Variants in PALLD observed in about 807,000 individuals in gnomAD.
PALLD encodes palladin.
Under a neutral mutation model 123.5 loss-of-function variants are expected in PALLD, and 61 were observed. The ratio of observed to expected loss-of-function variants is 0.49; its 90% CI spans 0.40 to 0.61. The LOEUF (loss-of-function observed/expected upper bound fraction) is 0.61, where lower values mean the gene tolerates loss of function less well. PALLD is among the 20% of genes least tolerant of loss of function. The pLI is 0.00. For synonymous variants in PALLD, 465 were observed against 496.4 expected (o/e 0.94, Z 0.84); for missense variants, 1,273 against 1,377.0 (o/e 0.92, Z 1.20).
At chr4:168,896,749 C>T in intron 13 of PALLD, 150 bp downstream of exon 13, 1 of 587,140 alleles carries the variant, frequency 1.7e-6, no homozygotes, top group Admixed American at 3.7e-5. Context: ...ATCAGATACA[C>T]AAAATTACTG....
chr4:168,921,627 G>A lies in PALLD; in HGVS notation c.2944G>A (p.Gly982Arg), dbSNP rs115988233. ...TCACAAGATGCTGGTGCGTGAGAAC[G>A]GGGTGCACTCTCTGATCATAGAGCC... is the stretch of plus-strand genomic sequence containing the variant. ...SAHKMLVREN[G>R]VHSLIIEPVT... is the part of the protein sequence containing the mutation. The change falls in exon 18 of 22, where the codon GGG (glycine) becomes AGG (arginine). Residue 982 changes from glycine (G) to arginine (R), a missense_variant. Gly to Arg is a moderately radical substitution (Grantham distance 125, BLOSUM62 -2). Around this residue, in one of 2 missense-constraint regions of PALLD, gnomAD observed 329 missense variants for 422.5 expected, o/e 0.78. Transcript: ENST00000505667. 6 of 1,610,616 alleles carry A rather than the reference G, an allele frequency of 3.7e-6. No homozygotes were observed. In the African/African-American group the frequency reaches 4.1e-5, roughly 11 times the overall value.
At chr4:168,723,515 G>T (rs1203916686) in intron 10 of PALLD, among the ~76,000 whole-genome samples, 3 of 152,208 alleles carry the variant, frequency 2.0e-5, no homozygotes, top group Admixed American at 6.5e-5. Context: ...ATAGGCAATA[G>T]AAGAGATCTA....
At chr4:168,613,928 GCTCC>G (rs1353392480) in intron 2 of PALLD, among the ~76,000 whole-genome samples, 1 of 152,174 alleles carries the variant, frequency 6.6e-6, no homozygotes, top group Admixed American at 6.5e-5. Context: ...GAGTCGTAGA[GCTCC>G]ACATCCTGCT....
intron 10 of PALLD, among the ~76,000 whole-genome samples, chr4:168,833,256 C>A (rs188415268): frequency 6.6e-6 from 1 of 152,098 alleles, no homozygotes; most frequent in Non-Finnish European, 1.5e-5. Context: ...GGAGAGGGGG[C>A]GTCTCGGTCG....
intron 9 of PALLD, among the ~76,000 whole-genome samples, chr4:168,709,551 GAA>G (rs1160124756): frequency 0.32 from 226 of 708 alleles, 16 homozygotes; most frequent in Non-Finnish European, 0.4. Flanking sequence ...AGGAAGGAAG[GAA>G]GGAAGGAAGG....
chr4:168,810,827 G>GA (rs1274205955), intron 10 of PALLD, among the ~76,000 whole-genome samples: 3 of 33,918 alleles, frequency 8.8e-5, no homozygotes, highest in South Asian at 7.4e-4. Context: ...AAAAAAAAAA[G>GA]AAAAAAAAAG....
chr4:168,641,481 C>T (rs1200768837), intron 2 of PALLD, among the ~76,000 whole-genome samples: 1 of 152,162 alleles, frequency 6.6e-6, no homozygotes, highest in African/African-American at 2.4e-5. Flanking sequence ...GCTCAGAGGG[C>T]TCTCTGATGA....
chr4:168,670,957 C>T (rs960823556), intron 3 of PALLD, among the ~76,000 whole-genome samples: 2 of 150,066 alleles, frequency 1.3e-5, no homozygotes, highest in Non-Finnish European at 3.0e-5. Flanking sequence ...TCCCAGCTAC[C>T]CAGGAGACTG....
At chr4:168,526,047 T>C (rs1473702350) in intron 2 of PALLD, among the ~76,000 whole-genome samples, 1 of 152,198 alleles carries the variant, frequency 6.6e-6, no homozygotes, top group Non-Finnish European at 1.5e-5. Context: ...CTATGTAAAA[T>C]GGCTTTAGCT....
intron 10 of PALLD, among the ~76,000 whole-genome samples, chr4:168,753,946 TA>T (rs1354781061): frequency 5.9e-5 from 9 of 152,178 alleles, no homozygotes; most frequent in African/African-American, 2.2e-4. Context: ...TCTAAGCCAA[TA>T]AATTTTGAGG....
intron 2 of PALLD, among the ~76,000 whole-genome samples, chr4:168,570,228 C>A (rs964054841): frequency 2.7e-4 from 41 of 152,176 alleles, no homozygotes; most frequent in Non-Finnish European, 1.9e-4. Flanking sequence ...ATTTAACGGG[C>A]GGATTTTATT....
intron 2 of PALLD, among the ~76,000 whole-genome samples, chr4:168,538,675 T>C (rs1328976293): frequency 6.6e-6 from 1 of 152,212 alleles, no homozygotes; most frequent in Non-Finnish European, 1.5e-5. Context: ...GGAATGCTTT[T>C]GGAATAATTC....
intron 19 of PALLD, 40 bp from the exon 20 acceptor site, chr4:168,924,905 A>T (rs907990778): frequency 2.5e-6 from 4 of 1,612,506 alleles, no homozygotes; most frequent in African/African-American, 1.3e-5. Flanking sequence ...AGCCACTTTT[A>T]AAAAATTTAG....
At chr4:168,520,117 G>T (rs6847266) in intron 2 of PALLD, among the ~76,000 whole-genome samples, 112,349 of 151,768 alleles carry the variant, frequency 0.74, 41,801 homozygotes, top group East Asian at 0.86. Context: ...ACGAGGACAG[G>T]AGATGGAGAC....
At position 168,796,401 on chromosome 4, in the gene PALLD, C is replaced by A. The variant is rs190326888; in HGVS notation, c.1964+84478C>A. On this transcript the variant is annotated intron_variant, in intron 10 of 21. Coordinates refer to ENST00000505667, the MANE Select transcript of PALLD (RefSeq NM_001166108.2). The stretch of plus-strand genomic sequence containing the variant: ...AACACCAGTCACTGCTGGCGGGTGT[C>A]TGACATTCAGTTTGGCTGTTTCACT... Among the ~76,000 whole-genome samples, 394 of 152,338 alleles carry A rather than the reference C, an allele frequency of 2.6e-3. 1 individual carries two copies. The highest frequency in any genetic ancestry group is 0.017 in the Middle Eastern group (5 of 294).
chr4:168,908,147 T>C (rs1758193790), intron 15 of PALLD, among the ~76,000 whole-genome samples: 1 of 152,236 alleles, frequency 6.6e-6, no homozygotes, highest in Non-Finnish European at 1.5e-5. Context: ...GCCTAGTTGA[T>C]TTTAATTCCA....
intron 10 of PALLD, chr4:168,878,474 G>A: frequency 1.8e-6 from 2 of 1,095,764 alleles, no homozygotes. Flanking sequence ...CCATACACGC[G>A]CTCCCATCAG....
At chr4:168,809,626 G>T (rs149712843) in intron 10 of PALLD, among the ~76,000 whole-genome samples, 1 of 152,298 alleles carries the variant, frequency 6.6e-6, no homozygotes, top group African/African-American at 2.4e-5. Context: ...ACTTTGGAAG[G>T]CCAAGGTGGG....
chr4:168,545,313 G>A (rs1269765879), intron 2 of PALLD, among the ~76,000 whole-genome samples: 1 of 152,006 alleles, frequency 6.6e-6, no homozygotes, highest in East Asian at 1.9e-4. Context: ...GATTACCTGA[G>A]GTCAGGAGTT....
Sources: allele counts gnomAD v4.1 joint callset (sites outside exome capture counted in the v4.1 genomes callset), GRCh38; gene constraint gnomAD v4.1.1; regional missense constraint gnomAD v4.1.1; transcripts MANE v1.5; gene names NCBI Gene and HGNC (gene_info 2026-07-23, HGNC 2026-07-21).